The following PPP2R3A variants were observed in gnomAD, a reference collection of about 807,000 sequenced individuals.
The protein encoded by PPP2R3A is serine/threonine-protein phosphatase 2A regulatory subunit B'' subunit alpha.
PPP2R3A carries 80 observed loss-of-function variants against 106.9 expected under a neutral mutation model. That is an observed-to-expected ratio of 0.75 (90% CI 0.62 to 0.90). PPP2R3A has a LOEUF of 0.90. Among genes scored for constraint, PPP2R3A ranks in the 40% least tolerant of loss-of-function variants. The probability of loss-of-function intolerance (pLI) is 0.00; values close to 1 mark genes in which losing one functional copy is unlikely to be tolerated. For missense variants in PPP2R3A, 1,386 were observed against 1,350.4 expected (o/e 1.03, Z -0.41); for synonymous variants, 483 against 468.3 (o/e 1.03, Z -0.41).
intron 1 of PPP2R3A, among the ~76,000 whole-genome samples, chr3:136,000,273 C>G (rs1285732064): frequency 1.3e-5 from 2 of 152,182 alleles, no homozygotes; most frequent in Non-Finnish European, 2.9e-5. Flanking sequence ...ATTTCCTGCT[C>G]TATCCCTAGT....
At chr3:136,071,546 G>T (rs1464410663) in intron 6 of PPP2R3A, among the ~76,000 whole-genome samples, 1 of 151,992 alleles carries the variant, frequency 6.6e-6, no homozygotes, top group Non-Finnish European at 1.5e-5. Context: ...CTGGCCTGTC[G>T]CCCTGATATC....
rs537705409 is a variant in PPP2R3A, at chr3:136,033,781, CTTAG to C, written c.2262+6689_2262+6692del. On this transcript the variant is annotated intron_variant, in intron 3 of 13. Transcript: ENST00000264977. ...TTATTTGGATTTTCTCTCTTCTTTTCTTAGTTAGTCTTGCTAATGGTCTATCAAT... is the reference window on the plus strand; with the variant it reads ...TTATTTGGATTTTCTCTCTTCTTTTCTTAGTCTTGCTAATGGTCTATCAAT... Among the ~76,000 whole-genome samples the C allele has an allele frequency of 2.0e-3, 307 of 151,922 alleles. 1 individual carries two copies. Among genetic ancestry groups the C allele is most frequent in the Non-Finnish European group, 3.9e-3 (265 of 67,934 alleles).
chr3:136,104,387 A>G (rs1428345593), intron 12 of PPP2R3A, among the ~76,000 whole-genome samples: 2 of 150,200 alleles, frequency 1.3e-5, no homozygotes, highest in Non-Finnish European at 3.0e-5. Context: ...GCTCACCGCA[A>G]CCTCCGCCTC....
chr3:136,112,872 C>G (rs189746043), intron 13 of PPP2R3A, among the ~76,000 whole-genome samples: 1 of 152,258 alleles, frequency 6.6e-6, no homozygotes, highest in East Asian at 1.9e-4. Flanking sequence ...GTGGCTCATG[C>G]CTGTAATCCC....
Position 136,102,061 on chromosome 3 carries a change from GTATGAGCTGGAGTACTTC to G in PPP2R3A, c.2989_3006del (p.Leu997_Glu1002del). 1 of 1,614,008 alleles carries G rather than the reference GTATGAGCTGGAGTACTTC, an allele frequency of 6.2e-7. No homozygotes were observed. Among genetic ancestry groups the G allele is most frequent in the Non-Finnish European group, 8.5e-7 (1 of 1,179,922 alleles). Reference sequence around the variant, plus strand: ...TGGATGGAGACGGTGTACTCTCCATGTATGAGCTGGAGTACTTCTATGAGGAGCAGTGTGAACGGATGG... The same window carrying G: ...TGGATGGAGACGGTGTACTCTCCATGTATGAGGAGCAGTGTGAACGGATGG... On this transcript the variant is annotated inframe_deletion, in exon 11 of 14. Coordinates refer to ENST00000264977, the MANE Select transcript of PPP2R3A (RefSeq NM_002718.5).
chr3:136,084,507 T>C (rs1032496176), intron 8 of PPP2R3A, among the ~76,000 whole-genome samples: 3 of 152,206 alleles, frequency 2.0e-5, no homozygotes, highest in African/African-American at 7.2e-5. Flanking sequence ...AAGGGAAATG[T>C]GGGGTTGAAG....
intron 5 of PPP2R3A, chr3:136,055,840 A>G (rs1935842555): frequency 1.9e-6 from 1 of 514,756 alleles, no homozygotes; most frequent in Non-Finnish European, 3.5e-6. Context: ...GCAGAATTGC[A>G]AACAGTTTAG....
chr3:135,996,695 A>T (rs1232866708), intron 1 of PPP2R3A, among the ~76,000 whole-genome samples: 1 of 152,156 alleles, frequency 6.6e-6, no homozygotes, highest in East Asian at 1.9e-4. Context: ...CAAGCTAGTC[A>T]TTTGTACCAT....
intron 3 of PPP2R3A, among the ~76,000 whole-genome samples, chr3:136,037,640 A>G (rs1935129388): frequency 3.3e-5 from 5 of 152,214 alleles, no homozygotes; most frequent in African/African-American, 7.2e-5. Context: ...CACTGCCCTC[A>G]TCTATGTGAG....
intron 9 of PPP2R3A, among the ~76,000 whole-genome samples, chr3:136,088,275 A>C (rs1937008596): frequency 6.6e-6 from 1 of 152,134 alleles, no homozygotes; most frequent in African/African-American, 2.4e-5. Context: ...AGCAGTCCCC[A>C]GTGTCCATTG....
chr3:136,127,168 G>C (rs1311061600), intron 13 of PPP2R3A, among the ~76,000 whole-genome samples: 1 of 152,210 alleles, frequency 6.6e-6, no homozygotes, highest in Non-Finnish European at 1.5e-5. Context: ...GAATGACTTT[G>C]ACGAGTTGAC....
At chr3:136,123,262 A>G (rs1478458391) in intron 13 of PPP2R3A, among the ~76,000 whole-genome samples, 1 of 152,158 alleles carries the variant, frequency 6.6e-6, no homozygotes, top group African/African-American at 2.4e-5. Flanking sequence ...AAGCAAGTAT[A>G]TTATTCACGT....
At chr3:136,011,088 C>G (rs968465108) in intron 2 of PPP2R3A, among the ~76,000 whole-genome samples, 1 of 152,076 alleles carries the variant, frequency 6.6e-6, no homozygotes, top group Non-Finnish European at 1.5e-5. Flanking sequence ...CTACAACACC[C>G]CCACCCCATA....
rs955975097 is a variant in PPP2R3A at position 136,129,930 on chromosome 3, T to C, written c.3330-15113T>C. ...GACAAAAACCACACGATTATCTCAATAGATGCAGAAAAGGCCTTCAACAAA... is the reference window on the plus strand; with the variant it reads ...GACAAAAACCACACGATTATCTCAACAGATGCAGAAAAGGCCTTCAACAAA... On this transcript the variant is annotated intron_variant, in intron 13 of 13. Transcript: ENST00000264977. Among the ~76,000 whole-genome samples, 4 of 152,292 alleles carry C rather than the reference T, an allele frequency of 2.6e-5. No individual in the cohort carries two copies. The South Asian group carries it at 6.2e-4, about 24-fold the overall frequency.
chr3:136,104,807 C>G (rs1353529594), intron 12 of PPP2R3A, among the ~76,000 whole-genome samples: 1 of 152,150 alleles, frequency 6.6e-6, no homozygotes, highest in Admixed American at 6.5e-5. Flanking sequence ...GCAATACTAA[C>G]TCATGTTCGG....
intron 13 of PPP2R3A, among the ~76,000 whole-genome samples, chr3:136,142,119 A>T (rs1938896311): frequency 6.6e-6 from 1 of 152,196 alleles, no homozygotes; most frequent in Admixed American, 6.5e-5. Context: ...GCAGTGAGTA[A>T]AGCCATGGGA....
At chr3:135,976,291 C>T (rs79127378) in intron 1 of PPP2R3A, among the ~76,000 whole-genome samples, 1 of 152,146 alleles carries the variant, frequency 6.6e-6, no homozygotes, top group Non-Finnish European at 1.5e-5. Flanking sequence ...CTTTCTTCAT[C>T]CCTTCATGTG....
intron 4 of PPP2R3A, among the ~76,000 whole-genome samples, chr3:136,042,183 A>G (rs1935311127): frequency 6.6e-6 from 1 of 152,208 alleles, no homozygotes; most frequent in Admixed American, 6.5e-5. Flanking sequence ...ATGTATTCTT[A>G]TTTTTAAAAA....
At chr3:136,093,280 G>A (rs370212833) in intron 10 of PPP2R3A, among the ~76,000 whole-genome samples, 41 of 152,204 alleles carry the variant, frequency 2.7e-4, no homozygotes, top group East Asian at 1.9e-3. Context: ...ACAGCGGCAC[G>A]CGCCTGTGGT....
Sources: allele counts gnomAD v4.1 joint callset (sites outside exome capture counted in the v4.1 genomes callset), GRCh38; gene constraint gnomAD v4.1.1; transcripts MANE v1.5; gene names NCBI Gene and HGNC (gene_info 2026-07-23, HGNC 2026-07-21).